Variants in KALRN observed in about 807,000 individuals in gnomAD.
The protein encoded by KALRN is kalirin RhoGEF kinase, also known as kalirin.
KALRN carries 70 observed loss-of-function variants against 353.7 expected under a neutral mutation model. The observed-to-expected ratio is 0.20, with a 90% CI of 0.16 to 0.24. KALRN has a LOEUF of 0.24. KALRN is among the 10% of genes least tolerant of loss of function. The pLI, the probability that KALRN is intolerant of heterozygous loss-of-function variation, is 1.00. For missense variants in KALRN, 2,791 were observed against 3,756.7 expected, an observed-to-expected ratio of 0.74 and a Z score of 6.72; for synonymous variants, 1,391 against 1,434.8, an observed-to-expected ratio of 0.97 and a Z score of 0.69.
intron 43 of KALRN, 90 bp downstream of exon 43, chr3:124,659,547 T>C (rs1361444289): frequency 2.3e-6 from 2 of 852,548 alleles, no homozygotes; most frequent in Admixed American, 1.8e-5. Context: ...AGCGGTTCTG[T>C]CTCCACCACA....
chr3:124,704,326 T>C (rs531024315), intron 57 of KALRN, among the ~76,000 whole-genome samples: 3 of 152,180 alleles, frequency 2.0e-5, no homozygotes, highest in African/African-American at 7.2e-5. Context: ...TAGCCATAGG[T>C]TAAGTCATGT....
At chr3:124,165,108 T>G (rs1279237959) in intron 1 of KALRN, among the ~76,000 whole-genome samples, 1 of 152,266 alleles carries the variant, frequency 6.6e-6, no homozygotes, top group Admixed American at 6.5e-5. Flanking sequence ...TTGTTATTCC[T>G]TTTGTAACAT....
chr3:124,666,732 C>G, intron 46 of KALRN, 98 bp downstream of exon 46: 1 of 972,810 alleles, frequency 1.0e-6, no homozygotes, highest in Non-Finnish European at 1.6e-6. Context: ...CATCCAGAAC[C>G]GTGAAGATCT....
At chr3:124,690,322 G>A (rs904852410) in intron 51 of KALRN, among the ~76,000 whole-genome samples, 1 of 152,164 alleles carries the variant, frequency 6.6e-6, no homozygotes, top group African/African-American at 2.4e-5. Context: ...GTGTGAGAAG[G>A]GTGTTCTCCT....
Position 124,326,037 on chromosome 3 carries a change from G to T in KALRN, c.1150G>T (p.Gly384Cys). The change falls in exon 7 of 60, where the codon GGT becomes TGT. Residue 384 changes from glycine to cysteine, a missense_variant. Gly to Cys is a radical substitution (Grantham distance 159). Around this residue, in one of 11 missense-constraint regions of KALRN, gnomAD observed 366 missense variants for 489.2 expected, o/e 0.75. Transcript: ENST00000682506. ...MSVASRLSEAGHYASQQIKQI... is the reference protein window; with the variant it reads ...MSVASRLSEACHYASQQIKQI... ...CGTGGCTTCCCGCCTCTCTGAGGCCGGTCATTATGCCTCACAACAAATCAA... is the reference window on the plus strand; with the variant it reads ...CGTGGCTTCCCGCCTCTCTGAGGCCTGTCATTATGCCTCACAACAAATCAA... The T allele has an allele frequency of 6.2e-7, 1 of 1,613,708 alleles. No homozygotes were observed. Among genetic ancestry groups the T allele is most frequent in the Non-Finnish European group, 8.5e-7 (1 of 1,179,812 alleles).
chr3:124,614,811 G>A (rs2078387637), intron 34 of KALRN, among the ~76,000 whole-genome samples: 2 of 151,970 alleles, frequency 1.3e-5, no homozygotes, highest in African/African-American at 4.8e-5. Context: ...GACTCAAGCA[G>A]TCCTCCCACC....
At chr3:124,456,862 T>G in intron 23 of KALRN, 134 bp downstream of exon 23, 1 of 574,528 alleles carries the variant, frequency 1.7e-6, no homozygotes, top group African/African-American at 1.9e-5. Flanking sequence ...ACATAATGTT[T>G]GCATTGAGAA....
chr3:124,072,187 T>G (rs572357879), intron 1 of KALRN, among the ~76,000 whole-genome samples: 9 of 152,314 alleles, frequency 5.9e-5, no homozygotes, highest in South Asian at 4.1e-4. Flanking sequence ...TGGATATCAA[T>G]TTTCTAAATA....
chr3:124,368,685 C>T (rs921136707), intron 10 of KALRN, among the ~76,000 whole-genome samples: 5 of 147,142 alleles, frequency 3.4e-5, no homozygotes, highest in East Asian at 2.1e-4. Context: ...GCTGCAATCT[C>T]GGCACTTTGG....
At chr3:124,540,208 T>C (rs776669889) in intron 33 of KALRN, among the ~76,000 whole-genome samples, 2 of 152,130 alleles carry the variant, frequency 1.3e-5, no homozygotes, top group Non-Finnish European at 2.9e-5. Context: ...TGTAAGCCAC[T>C]GCACCCGGCC....
chr3:124,205,779 G>A (rs112061849), intron 1 of KALRN, among the ~76,000 whole-genome samples: 1 of 152,100 alleles, frequency 6.6e-6, no homozygotes, highest in African/African-American at 2.4e-5. Flanking sequence ...ATACTTTCAC[G>A]TGTGTTTGTA....
At position 124,315,991 on chromosome 3, in the gene KALRN, A is replaced by G. The variant is rs149632507; in HGVS notation, c.1093-9989A>G. Among the ~76,000 whole-genome samples, 71 of 152,232 alleles carry G rather than the reference A, an allele frequency of 4.7e-4. No individual in the cohort carries two copies. In the East Asian group the frequency reaches 0.013, roughly 27 times the overall value. On this transcript the variant is annotated intron_variant, in intron 6 of 59. Transcript: ENST00000682506. ...ACTGATTACAGACATTACAGGTGAG[A>G]CGTTTGCAAGTCAGGAAACTGAAGA...
chr3:124,513,286 G>A (rs2066150916), intron 33 of KALRN, among the ~76,000 whole-genome samples: 1 of 152,190 alleles, frequency 6.6e-6, no homozygotes, highest in East Asian at 1.9e-4. Flanking sequence ...TTGAAATATA[G>A]CTTCAAATTC....
chr3:124,405,305 G>A (rs553153657), intron 13 of KALRN, among the ~76,000 whole-genome samples: 31 of 152,298 alleles, frequency 2.0e-4, no homozygotes, highest in Non-Finnish European at 3.8e-4. Flanking sequence ...GTAATGGGGT[G>A]GGTCTGGGGC....
chr3:124,121,516 TTC>T (rs1317427537), intron 1 of KALRN, among the ~76,000 whole-genome samples: 1 of 152,208 alleles, frequency 6.6e-6, no homozygotes, highest in Non-Finnish European at 1.5e-5. Flanking sequence ...TGTTATTTAT[TTC>T]TCTCTCATAT....
At chr3:124,114,381 A>G (rs1379877061) in intron 1 of KALRN, among the ~76,000 whole-genome samples, 3 of 152,112 alleles carry the variant, frequency 2.0e-5, no homozygotes, top group Non-Finnish European at 2.9e-5. Flanking sequence ...ACCCTGTGCA[A>G]AAGTTGAAGG....
chr3:124,330,245 C>G (rs547355401), intron 8 of KALRN, among the ~76,000 whole-genome samples: 1 of 108,090 alleles, frequency 9.3e-6, no homozygotes, highest in Non-Finnish European at 1.8e-5. Context: ...CTCTCTCTCT[C>G]TCACACACAC....
chr3:124,476,341 C>G (rs1406925277), intron 26 of KALRN, among the ~76,000 whole-genome samples: 1 of 151,228 alleles, frequency 6.6e-6, no homozygotes, highest in Non-Finnish European at 1.5e-5. Context: ...CAATCTGTGC[C>G]ACAGTTCTCT....
At chr3:124,227,471 A>C (rs1160134779) in intron 1 of KALRN, among the ~76,000 whole-genome samples, 1 of 152,086 alleles carries the variant, frequency 6.6e-6, no homozygotes, top group Non-Finnish European at 1.5e-5. Context: ...ATAAAGACTA[A>C]TAGTTGTTGT....
Sources: gnomAD v4.1 joint callset for allele counts (sites outside exome capture counted in the v4.1 genomes callset) on GRCh38, gnomAD v4.1.1 for gene constraint, gnomAD v4.1.1 regional missense constraint, MANE v1.5 for transcripts, NCBI Gene and HGNC (gene_info 2026-07-23, HGNC 2026-07-21) for gene names.